Variants in CDK17 observed in about 807,000 individuals in gnomAD.
The protein encoded by CDK17 is cyclin dependent kinase 17.
Under a neutral mutation model 77.6 loss-of-function variants are expected in CDK17, and 24 were observed. That is an observed-to-expected ratio of 0.31 (90% CI 0.22 to 0.44). CDK17 has a LOEUF of 0.44. Ranked by LOEUF, CDK17 falls within the 20% of genes least tolerant of loss-of-function variation. CDK17 has a pLI of 1.00. For missense variants in CDK17, 429 were observed against 622.5 expected (o/e 0.69, Z 3.31); for synonymous variants, 203 against 210.4 (o/e 0.96, Z 0.30).
intron 1 of CDK17, among the ~76,000 whole-genome samples, chr12:96,345,012 T>G (rs1953181649): frequency 6.6e-6 from 1 of 152,184 alleles, no homozygotes; most frequent in Non-Finnish European, 1.5e-5. Flanking sequence ...AGTTAAGTGT[T>G]GTTTCCCTCC....
At chr12:96,288,592 A>G (rs1952276317) in intron 11 of CDK17, among the ~76,000 whole-genome samples, 1 of 152,220 alleles carries the variant, frequency 6.6e-6, no homozygotes, top group Non-Finnish European at 1.5e-5. Context: ...GAGACATCTT[A>G]TGGAAATCCT....
At chr12:96,348,840 G>C (rs1455108674) in intron 1 of CDK17, among the ~76,000 whole-genome samples, 1 of 151,954 alleles carries the variant, frequency 6.6e-6, no homozygotes, top group Non-Finnish European at 1.5e-5. Context: ...AACCAAAAAA[G>C]CCCAGGACCA....
In CDK17 at chr12:96,400,039, G is replaced by C; in HGVS notation, c.-83C>G. 2.6e-6 allele frequency: 1 copy of C among 386,722 alleles called. No individual in the cohort carries two copies. The highest frequency in any genetic ancestry group is 4.6e-6 in the Non-Finnish European group (1 of 218,778). The allele number at this position is 386,722 out of a possible 1,614,324, so 24.0% of individuals were successfully genotyped here. On this transcript the variant is annotated 5_prime_UTR_variant, in exon 1 of 17. Coordinates refer to ENST00000261211, the MANE Select transcript of CDK17 (RefSeq NM_002595.5). The stretch of plus-strand genomic sequence containing the variant: ...GGCGAGGCGAAGAGAGGCGCGGGGG[G>C]AAGCTGCTCCGCGGACGCCCGCGGC...
intron 10 of CDK17, among the ~76,000 whole-genome samples, chr12:96,292,908 T>C (rs1165344454): frequency 1.3e-5 from 2 of 152,234 alleles, no homozygotes; most frequent in African/African-American, 4.8e-5. Context: ...AGAGTAATGG[T>C]GGCAGGTATA....
chr12:96,316,698 C>A (rs1952727642), intron 3 of CDK17, among the ~76,000 whole-genome samples: 1 of 126,876 alleles, frequency 7.9e-6, no homozygotes, highest in East Asian at 3.9e-4. Context: ...CAGGGGCACA[C>A]TGACACCTCA....
chr12:96,290,240 A>C (rs1392439655), intron 10 of CDK17, among the ~76,000 whole-genome samples: 2 of 152,234 alleles, frequency 1.3e-5, no homozygotes, highest in African/African-American at 4.8e-5. Flanking sequence ...TTACAACTTT[A>C]TCTCTTGAGT....
At chr12:96,361,225 AT>A (rs1242923301) in intron 1 of CDK17, among the ~76,000 whole-genome samples, 11 of 152,210 alleles carry the variant, frequency 7.2e-5, no homozygotes, top group Non-Finnish European at 1.6e-4. Context: ...AGATGGTTTT[AT>A]GAGTGTGGAA....
chr12:96,323,324 C>T (rs1375778220), intron 3 of CDK17, among the ~76,000 whole-genome samples: 1 of 151,294 alleles, frequency 6.6e-6, no homozygotes, highest in East Asian at 1.9e-4. Flanking sequence ...GGCGTAGCGG[C>T]ATGCACAGGT....
At chr12:96,387,886 C>T (rs186261461) in intron 1 of CDK17, among the ~76,000 whole-genome samples, 35 of 151,982 alleles carry the variant, frequency 2.3e-4, no homozygotes, top group Admixed American at 2.0e-3. Context: ...GAGGATGCAA[C>T]GAGCTGGGAC....
At chr12:96,378,129 C>T (rs891885029) in intron 1 of CDK17, among the ~76,000 whole-genome samples, 45 of 152,288 alleles carry the variant, frequency 3.0e-4, no homozygotes, top group African/African-American at 1.1e-3. Context: ...GGCAGGAAGT[C>T]ACCTCATGTA....
At chr12:96,392,424 G>A (rs973765764) in intron 1 of CDK17, among the ~76,000 whole-genome samples, 2 of 152,132 alleles carry the variant, frequency 1.3e-5, no homozygotes, top group African/African-American at 2.4e-5. Flanking sequence ...AAAGAATATG[G>A]TTAGATTAAA....
intron 2 of CDK17, among the ~76,000 whole-genome samples, chr12:96,327,424 T>C (rs1055389165): frequency 4.6e-5 from 7 of 152,042 alleles, no homozygotes; most frequent in Non-Finnish European, 7.4e-5. Context: ...AGCAGGCAGA[T>C]TTAGGACATA....
intron 1 of CDK17, among the ~76,000 whole-genome samples, chr12:96,382,877 C>T (rs1200969076): frequency 6.6e-6 from 1 of 152,110 alleles, no homozygotes; most frequent in Non-Finnish European, 1.5e-5. Context: ...GATGCCCACT[C>T]TCACCACTCC....
chr12:96,390,979 C>T (rs994793227), intron 1 of CDK17, among the ~76,000 whole-genome samples: 2 of 149,944 alleles, frequency 1.3e-5, no homozygotes, highest in African/African-American at 2.4e-5. Context: ...CCCAGCTACT[C>T]GGGAGGCTGA....
intron 1 of CDK17, among the ~76,000 whole-genome samples, chr12:96,346,309 G>A (rs542020267): frequency 3.7e-4 from 57 of 152,174 alleles, no homozygotes; most frequent in African/African-American, 1.3e-3. Context: ...AAAAACAGCC[G>A]GGCATGGTGG....
At position 96,297,605 on chromosome 12, in the gene CDK17, T is replaced by C. The variant is rs752954716; in HGVS notation, c.810+22A>G. 3.5e-6 allele frequency: 5 copies of C among 1,410,852 alleles called. No homozygotes were observed. The African/African-American group carries it at 7.2e-5, about 20-fold the overall frequency. The allele number at this position is 1,410,852 out of a possible 1,614,324, so 87.4% of individuals were successfully genotyped here. On this transcript the variant is annotated intron_variant, in intron 8 of 16. Transcript: ENST00000261211. ...GTTTTTCTAAAGTAAAGTTAAATAC[T>C]GAATTTTTATGAGATGCTTACCAGA...
intron 3 of CDK17, among the ~76,000 whole-genome samples, chr12:96,323,032 G>A (rs371600072): frequency 6.3e-4 from 96 of 152,202 alleles, no homozygotes; most frequent in African/African-American, 2.3e-3. Flanking sequence ...ACTATTCCAA[G>A]AGTAAGCACA....
chr12:96,339,509 A>G (rs972050923), intron 1 of CDK17, among the ~76,000 whole-genome samples: 1 of 152,152 alleles, frequency 6.6e-6, no homozygotes, highest in Non-Finnish European at 1.5e-5. Flanking sequence ...TAAAAATGGT[A>G]AAGATAGTGA....
At chr12:96,354,569 T>G (rs1265397467) in intron 1 of CDK17, among the ~76,000 whole-genome samples, 6 of 152,100 alleles carry the variant, frequency 3.9e-5, no homozygotes, top group Non-Finnish European at 8.8e-5. Context: ...CATCATCTCT[T>G]TGCTTAGAAT....
Sources: allele counts gnomAD v4.1 joint callset (sites outside exome capture counted in the v4.1 genomes callset), GRCh38; gene constraint gnomAD v4.1.1; transcripts MANE v1.5; gene names NCBI Gene and HGNC (gene_info 2026-07-23, HGNC 2026-07-21).